SKAP1: variants seen among roughly 807,000 people sequenced by gnomAD.
SKAP1 encodes the protein src kinase-associated phosphoprotein 1.
Under a neutral mutation model 58.5 loss-of-function variants are expected in SKAP1, and 44 were observed. That is an observed-to-expected ratio of 0.75 (90% confidence interval 0.59 to 0.97). The LOEUF is 0.97. Ranked by LOEUF, SKAP1 falls within the 50% of genes least tolerant of loss-of-function variation. The pLI is 0.00. For synonymous variants in SKAP1, 127 were observed against 149.7 expected (o/e 0.85, Z 1.11); for missense variants, 390 against 435.2 (o/e 0.90, Z 0.92).
chr17:48,204,794 G>A (rs2064772192), intron 4 of SKAP1, among the ~76,000 whole-genome samples: 1 of 152,072 alleles, frequency 6.6e-6, no homozygotes, highest in Admixed American at 6.6e-5. Context: ...ATGAAAGGAG[G>A]AACAAGAATA....
At chr17:48,234,320 C>T (rs1227235737) in intron 4 of SKAP1, among the ~76,000 whole-genome samples, 1 of 152,096 alleles carries the variant, frequency 6.6e-6, no homozygotes, top group Non-Finnish European at 1.5e-5. Context: ...TTAATTATTC[C>T]TAAAAGACTG....
chr17:48,270,328 T>A (rs559729237), intron 4 of SKAP1, among the ~76,000 whole-genome samples: 48 of 152,190 alleles, frequency 3.2e-4, no homozygotes, highest in South Asian at 8.3e-4. Flanking sequence ...AAAAATTTTT[T>A]AAATTAATTT....
At chr17:48,275,510 A>G (rs2065688041) in intron 4 of SKAP1, among the ~76,000 whole-genome samples, 1 of 152,200 alleles carries the variant, frequency 6.6e-6, no homozygotes, top group Admixed American at 6.5e-5. Context: ...TCTCAGCTTT[A>G]ATACAAGGGA....
chr17:48,159,187 T>C (rs1409028375), intron 11 of SKAP1, among the ~76,000 whole-genome samples: 1 of 152,232 alleles, frequency 6.6e-6, no homozygotes, highest in African/African-American at 2.4e-5. Flanking sequence ...TTTAAAAAAA[T>C]TCTTTTTTGT....
At chr17:48,303,118 T>C (rs2066084112) in intron 4 of SKAP1, among the ~76,000 whole-genome samples, 1 of 152,242 alleles carries the variant, frequency 6.6e-6, no homozygotes, top group Admixed American at 6.5e-5. Flanking sequence ...GCTTAGTCAC[T>C]GAACAGATTG....
intron 10 of SKAP1, among the ~76,000 whole-genome samples, chr17:48,165,482 C>T (rs1352562593): frequency 6.6e-6 from 1 of 150,948 alleles, no homozygotes; most frequent in African/African-American, 2.4e-5. Flanking sequence ...CTCACCACAA[C>T]CTCTGCCTCC....
chr17:48,135,432 C>A (rs925637320), intron 12 of SKAP1, among the ~76,000 whole-genome samples: 1 of 152,168 alleles, frequency 6.6e-6, no homozygotes, highest in Admixed American at 6.6e-5. Flanking sequence ...CACCCACCCC[C>A]ACTATTTTGA....
intron 2 of SKAP1, among the ~76,000 whole-genome samples, chr17:48,369,432 A>T (rs1248058902): frequency 1.3e-5 from 2 of 150,936 alleles, no homozygotes; most frequent in South Asian, 2.1e-4. Context: ...TTGAGGCTAC[A>T]GTGAGCCATG....
At chr17:48,153,439 C>T (rs1485000844) in intron 11 of SKAP1, among the ~76,000 whole-genome samples, 1 of 152,164 alleles carries the variant, frequency 6.6e-6, no homozygotes, top group Non-Finnish European at 1.5e-5. Context: ...CGTTGCCTTC[C>T]AGCTGACCCC....
intron 4 of SKAP1, among the ~76,000 whole-genome samples, chr17:48,247,767 T>C (rs1034041110): frequency 1.3e-5 from 2 of 152,200 alleles, no homozygotes; most frequent in Non-Finnish European, 2.9e-5. Context: ...GCATAACAGC[T>C]ACACTTTAAT....
chr17:48,233,615 G>A (rs2065147948), intron 4 of SKAP1, among the ~76,000 whole-genome samples: 1 of 152,156 alleles, frequency 6.6e-6, no homozygotes, highest in Non-Finnish European at 1.5e-5. Flanking sequence ...AGCACTTTGG[G>A]AGGTCGAGGT....
intron 3 of SKAP1, among the ~76,000 whole-genome samples, chr17:48,353,708 C>T (rs2066833829): frequency 1.3e-5 from 2 of 151,872 alleles, no homozygotes; most frequent in South Asian, 4.1e-4. Flanking sequence ...TCAGCCTGGC[C>T]AACATGGCAA....
intron 4 of SKAP1, among the ~76,000 whole-genome samples, chr17:48,280,573 A>G (rs2065754352): frequency 6.6e-6 from 1 of 152,224 alleles, no homozygotes; most frequent in Non-Finnish European, 1.5e-5. Context: ...TTTGACAAAT[A>G]TATACATATA....
chr17:48,267,310 T>C (rs2065564428), intron 4 of SKAP1, among the ~76,000 whole-genome samples: 1 of 152,200 alleles, frequency 6.6e-6, no homozygotes, highest in South Asian at 2.1e-4. Flanking sequence ...ACTTAAACAA[T>C]ACCTCAATTT....
chr17:48,331,473 G>A (rs2066506141), intron 4 of SKAP1, among the ~76,000 whole-genome samples: 1 of 152,098 alleles, frequency 6.6e-6, no homozygotes, highest in South Asian at 2.1e-4. Context: ...GCCAAGGTGG[G>A]CGGATCACCT....
At chr17:48,365,639 C>T (rs2066991611) in intron 2 of SKAP1, among the ~76,000 whole-genome samples, 1 of 152,224 alleles carries the variant, frequency 6.6e-6, no homozygotes, top group African/African-American at 2.4e-5. Flanking sequence ...ACTGCCCACT[C>T]ACTCAACATC....
At chr17:48,402,621 T>C (rs532190832) in intron 1 of SKAP1, among the ~76,000 whole-genome samples, 12 of 152,260 alleles carry the variant, frequency 7.9e-5, no homozygotes, top group African/African-American at 2.9e-4. Flanking sequence ...TGAGCCACCA[T>C]GCCTGGCATA....
intron 4 of SKAP1, among the ~76,000 whole-genome samples, chr17:48,221,680 A>G (rs2065008174): frequency 6.6e-6 from 1 of 152,226 alleles, no homozygotes; most frequent in African/African-American, 2.4e-5. Flanking sequence ...TTAAAACAGG[A>G]GCAATTTCAA....
chr17:48,368,861 T>A (rs2067045400), intron 2 of SKAP1, among the ~76,000 whole-genome samples: 1 of 152,238 alleles, frequency 6.6e-6, no homozygotes. Flanking sequence ...AGTATGCTAT[T>A]TGTGTTTTCA....
Sources: gnomAD v4.1 joint callset for allele counts (sites outside exome capture counted in the v4.1 genomes callset) on GRCh38, gnomAD v4.1.1 for gene constraint, MANE v1.5 for transcripts, NCBI Gene and HGNC (gene_info 2026-07-23, HGNC 2026-07-21) for gene names.